The following POGLUT1 variants were observed in gnomAD, a reference collection of about 807,000 sequenced individuals.
POGLUT1 encodes protein O-glucosyltransferase 1.
A neutral mutation model predicts 61.3 loss-of-function variants in POGLUT1; 32 were observed. The observed-to-expected ratio is 0.52, with a 90% confidence interval of 0.39 to 0.70. The LOEUF (loss-of-function observed/expected upper bound fraction) is 0.70. Among genes scored for constraint, POGLUT1 ranks in the 30% least tolerant of loss-of-function variants. The probability of loss-of-function intolerance (pLI) is 0.00; values close to 1 mark genes in which losing one functional copy is unlikely to be tolerated. For missense variants in POGLUT1, 411 were observed against 469.8 expected (o/e 0.87, Z 1.16); for synonymous variants, 158 against 158.2 (o/e 1.00, Z 0.01).
At chr3:119,480,884 A>G (rs770805600) in intron 5 of POGLUT1, among the ~76,000 whole-genome samples, 1 of 151,752 alleles carries the variant, frequency 6.6e-6, no homozygotes, top group Non-Finnish European at 1.5e-5. Flanking sequence ...GATTACAGGC[A>G]TGTGCCACCA....
chr3:119,487,677 ATAT>A (rs1477148308), intron 7 of POGLUT1, among the ~76,000 whole-genome samples: 1 of 152,226 alleles, frequency 6.6e-6, no homozygotes, highest in Admixed American at 6.5e-5. Context: ...TTGTCATAAA[ATAT>A]TATTCTTTTG....
At chr3:119,487,306 G>A (rs758829314) in intron 7 of POGLUT1, among the ~76,000 whole-genome samples, 7 of 152,206 alleles carry the variant, frequency 4.6e-5, no homozygotes, top group Middle Eastern at 6.8e-3. Flanking sequence ...ACTTTATTAC[G>A]GCCAGGCATG....
chr3:119,473,624 A>G (rs758409650), intron 3 of POGLUT1, among the ~76,000 whole-genome samples: 2 of 152,056 alleles, frequency 1.3e-5, no homozygotes, highest in Non-Finnish European at 2.9e-5. Context: ...AAAGATTCCC[A>G]TATAGTTAGA....
chr3:119,485,247 C>A, intron 5 of POGLUT1, 81 bp from the exon 6 acceptor site: 1 of 868,716 alleles, frequency 1.2e-6, no homozygotes, highest in Non-Finnish European at 1.9e-6. Flanking sequence ...AAGCTCTGAA[C>A]TAATCTTCAG....
chr3:119,486,180 A>T (rs1187585615), intron 6 of POGLUT1, among the ~76,000 whole-genome samples: 2 of 152,160 alleles, frequency 1.3e-5, no homozygotes, highest in Admixed American at 1.3e-4. Flanking sequence ...TAACTTGGGG[A>T]CCATGTCTGG....
At chr3:119,469,459 G>A (rs1273928770) in intron 1 of POGLUT1, among the ~76,000 whole-genome samples, 1 of 152,256 alleles carries the variant, frequency 6.6e-6, no homozygotes, top group Non-Finnish European at 1.5e-5. Context: ...GTGTGTATAT[G>A]CGTTGCCAGA....
rs559341093 is a variant in POGLUT1, at chr3:119,481,439, C to T, written c.578+1267C>T. On this transcript the variant is annotated intron_variant, in intron 5 of 10. Transcript: ENST00000295588. ...AACACAGTCATTATAGGCCTTCTCTCAGGTATAAGGAAAGCAAACAATTCA... is the reference window on the plus strand; with the variant it reads ...AACACAGTCATTATAGGCCTTCTCTTAGGTATAAGGAAAGCAAACAATTCA... 1.1e-4 allele frequency among the ~76,000 whole-genome samples: 17 copies of T among 152,314 alleles called. No homozygotes were observed. The East Asian group carries it at 3.1e-3, about 28-fold the overall frequency.
At chr3:119,469,473 G>A (rs1341989783) in intron 1 of POGLUT1, among the ~76,000 whole-genome samples, 1 of 152,268 alleles carries the variant, frequency 6.6e-6, no homozygotes, top group Non-Finnish European at 1.5e-5. Flanking sequence ...TGCCAGAAGA[G>A]AAGAGGGGTT....
At chr3:119,489,268 A>T (rs1393103096) in intron 8 of POGLUT1, 1 of 244,956 alleles carries the variant, frequency 4.1e-6, no homozygotes, top group African/African-American at 2.2e-5. Context: ...CCAATCATTG[A>T]AGTTAGAATA....
intron 2 of POGLUT1, among the ~76,000 whole-genome samples, 198 bp from the exon 3 acceptor site, chr3:119,471,111 T>C (rs2081465963): frequency 6.6e-6 from 1 of 152,252 alleles, no homozygotes; most frequent in East Asian, 1.9e-4. Context: ...ACCCGCTTTT[T>C]ACTTTTTATT....
chr3:119,490,538 CT>C lies in POGLUT1; in HGVS notation c.798-7del, dbSNP rs761576797. 8.1e-6 allele frequency: 13 copies of C among 1,612,230 alleles called. No individual in the cohort carries two copies. The highest frequency in any genetic ancestry group is 4.0e-5 in the African/African-American group (3 of 74,858). ...CATATAGTATCAAATGTATTTTGTTCTTTTTTCCCCAGGTATCTGTTTAATT... is the reference window on the plus strand; with the variant it reads ...CATATAGTATCAAATGTATTTTGTTCTTTTTCCCCAGGTATCTGTTTAATT... On this transcript the variant is annotated splice_polypyrimidine_tract_variant and intron_variant, in intron 8 of 10. Coordinates refer to ENST00000295588, the MANE Select transcript of POGLUT1 (RefSeq NM_152305.3).
At chr3:119,486,038 G>T (rs140955357) in intron 6 of POGLUT1, among the ~76,000 whole-genome samples, 35 of 152,266 alleles carry the variant, frequency 2.3e-4, no homozygotes, top group African/African-American at 8.4e-4. Flanking sequence ...GTGAGTCCTT[G>T]CCAGAGATTA....
chr3:119,477,487 G>T lies in POGLUT1; in HGVS notation c.456+39G>T, dbSNP rs3732419. ...GAGCCACATGGGTGGATGGAGAGTG[G>T]TCCTCTAGGATATGAGCATGAGATC... On this transcript the variant is annotated intron_variant, in intron 4 of 10. Coordinates refer to ENST00000295588, the MANE Select transcript of POGLUT1 (RefSeq NM_152305.3). 880,328 of 1,595,856 alleles carry T rather than the reference G, an allele frequency of 0.55. 246,617 individuals are homozygous for T. The highest frequency in any genetic ancestry group is 0.71 in the East Asian group (31,858 of 44,760).
chr3:119,471,586 C>T (rs1246253166), intron 3 of POGLUT1, 134 bp downstream of exon 3: 17 of 821,266 alleles, frequency 2.1e-5, no homozygotes, highest in Admixed American at 4.3e-5. Flanking sequence ...GAAATAGTGA[C>T]GAGCTCTTCT....
chr3:119,489,206 T>C, intron 8 of POGLUT1: 1 of 392,190 alleles, frequency 2.5e-6, no homozygotes, highest in Admixed American at 3.8e-5. Flanking sequence ...AACAGCTGCA[T>C]GCTAGCTAGT....
chr3:119,485,531 G>A (rs1311081557), intron 6 of POGLUT1, 144 bp downstream of exon 6: 2 of 581,288 alleles, frequency 3.4e-6, no homozygotes, highest in South Asian at 4.8e-5. Flanking sequence ...TTTTAGATTC[G>A]AGAATAATTC....
In POGLUT1 at chr3:119,469,125, C is replaced by G. The variant is rs371360954; in HGVS notation, c.85+19C>G. Reference sequence around the variant, plus strand: ...GAGTCAGGTGGGCTCCGGGCAGTGCCGAGCCTGCCCCTTGGGCTCGGGGTC... The same window carrying G: ...GAGTCAGGTGGGCTCCGGGCAGTGCGGAGCCTGCCCCTTGGGCTCGGGGTC... On this transcript the variant is annotated intron_variant, in intron 1 of 10. Coordinates refer to ENST00000295588, the MANE Select transcript of POGLUT1 (RefSeq NM_152305.3). 461 of 1,572,376 alleles carry G rather than the reference C, an allele frequency of 2.9e-4. No individual in the cohort carries two copies. The highest frequency in any genetic ancestry group is 3.8e-4 in the Non-Finnish European group (438 of 1,156,942).
At chr3:119,486,395 A>AT (rs945350120) in intron 6 of POGLUT1, among the ~76,000 whole-genome samples, 5 of 151,950 alleles carry the variant, frequency 3.3e-5, no homozygotes, top group Non-Finnish European at 7.4e-5. Context: ...GTTTTTGTGC[A>AT]TTTTTTTTAA....
Position 119,493,541 on chromosome 3 carries a change from C to A in POGLUT1, c.*1103C>A, listed in dbSNP as rs546954930. 4 of 152,276 alleles carry A rather than the reference C, an allele frequency of 2.6e-5. No homozygotes were observed. Among genetic ancestry groups the A allele is most frequent in the African/African-American group, 9.6e-5 (4 of 41,562 alleles). The allele number at this position is 152,276 out of a possible 1,614,324, so 9.4% of individuals were successfully genotyped here. On this transcript the variant is annotated 3_prime_UTR_variant, in exon 11 of 11. Transcript: ENST00000295588. Reference sequence around the variant, plus strand: ...AACTCTGTAGTCTGATGACTTAGAACCATCCTTGACCCTTAGGCCCAACCT... The same window carrying A: ...AACTCTGTAGTCTGATGACTTAGAAACATCCTTGACCCTTAGGCCCAACCT...
Sources: allele counts gnomAD v4.1 joint callset (sites outside exome capture counted in the v4.1 genomes callset), GRCh38; gene constraint gnomAD v4.1.1; transcripts MANE v1.5; gene names NCBI Gene and HGNC (gene_info 2026-07-23, HGNC 2026-07-21).